The following B4GALNT3 variants were observed in gnomAD, a reference collection of about 807,000 sequenced individuals.
B4GALNT3 encodes beta-1,4-N-acetyl-galactosaminyltransferase 3.
In B4GALNT3, 86 loss-of-function variants were observed where a neutral mutation model predicts 120.2. That is an observed-to-expected ratio of 0.72 (90% CI 0.60 to 0.86). The LOEUF (loss-of-function observed/expected upper bound fraction) is 0.86, where lower values mean the gene tolerates loss of function less well. Ranked by LOEUF, B4GALNT3 falls within the 40% of genes least tolerant of loss-of-function variation. The probability of loss-of-function intolerance (pLI) is 0.00; values close to 1 mark genes in which losing one functional copy is unlikely to be tolerated. For missense variants in B4GALNT3, 1,167 were observed against 1,298.9 expected (o/e 0.90, Z 1.56); for synonymous variants, 518 against 510.4 (o/e 1.01, Z -0.20).
At chr12:496,694 C>T (rs1038739954) in intron 1 of B4GALNT3, among the ~76,000 whole-genome samples, 2 of 152,158 alleles carry the variant, frequency 1.3e-5, no homozygotes, top group African/African-American at 4.8e-5. Flanking sequence ...CAAATATTTC[C>T]GTCACCCCTA....
In B4GALNT3 at chr12:492,515, G is replaced by A. The variant is rs765611835; in HGVS notation, c.169+31970G>A. Among the ~76,000 whole-genome samples the A allele has an allele frequency of 5.3e-5, 8 of 152,142 alleles. No homozygotes were observed. The East Asian group carries it at 5.8e-4, about 11-fold the overall frequency. ...TCTATGTTCATGAACAGGAAGAATCGATATTGTCAAAACATTTGTTCTTCC... is the reference window on the plus strand; with the variant it reads ...TCTATGTTCATGAACAGGAAGAATCAATATTGTCAAAACATTTGTTCTTCC... On this transcript the variant is annotated intron_variant, in intron 1 of 19. Transcript: ENST00000266383.
At chr12:552,674 T>A in intron 13 of B4GALNT3, 146 bp downstream of exon 13, 1 of 692,370 alleles carries the variant, frequency 1.4e-6, no homozygotes, top group Non-Finnish European at 2.4e-6. Flanking sequence ...CCCAAGGGAG[T>A]GGAGAGCATG....
chr12:557,941 C>T (rs1340194084), intron 16 of B4GALNT3, 75 bp from the exon 17 acceptor site: 1 of 1,548,004 alleles, frequency 6.5e-7, no homozygotes, highest in Non-Finnish European at 8.9e-7. Flanking sequence ...CATCTCTCTT[C>T]TATGCCTGCC....
chr12:492,613 G>A (rs908140026), intron 1 of B4GALNT3, among the ~76,000 whole-genome samples: 1 of 152,154 alleles, frequency 6.6e-6, no homozygotes, highest in Non-Finnish European at 1.5e-5. Flanking sequence ...TTGGCAAACT[G>A]ATTCTAAAAT....
At chr12:511,396 TCTTCCACCTTC>T (rs1482162122) in intron 1 of B4GALNT3, among the ~76,000 whole-genome samples, 3 of 52,342 alleles carry the variant, frequency 5.7e-5, no homozygotes, top group African/African-American at 2.0e-4. Flanking sequence ...CCACCTTCTG[TCTTCCACCTTC>T]CTTCCACCTT....
At chr12:496,504 G>A (rs1348419257) in intron 1 of B4GALNT3, among the ~76,000 whole-genome samples, 1 of 152,072 alleles carries the variant, frequency 6.6e-6, no homozygotes, top group African/African-American at 2.4e-5. Context: ...GCAGGCTGAG[G>A]CAGGAGAATT....
At chr12:556,273 G>T (rs1947155310) in intron 14 of B4GALNT3, among the ~76,000 whole-genome samples, 1 of 152,190 alleles carries the variant, frequency 6.6e-6, no homozygotes, top group Non-Finnish European at 1.5e-5. Context: ...AACCTCTTCA[G>T]TGTGACCCCT....
At chr12:472,485 T>C (rs1266656058) in intron 1 of B4GALNT3, among the ~76,000 whole-genome samples, 2 of 152,198 alleles carry the variant, frequency 1.3e-5, no homozygotes, top group Non-Finnish European at 2.9e-5. Flanking sequence ...GTCTCGCTCT[T>C]TCGCCCAGGC....
At chr12:502,779 G>T (rs1426887177) in intron 1 of B4GALNT3, among the ~76,000 whole-genome samples, 1 of 152,032 alleles carries the variant, frequency 6.6e-6, no homozygotes, top group Non-Finnish European at 1.5e-5. Context: ...TTTTGAGAGG[G>T]TGTCTTGCTC....
chr12:549,033 A>G (rs1430976927), intron 9 of B4GALNT3, among the ~76,000 whole-genome samples: 1 of 152,224 alleles, frequency 6.6e-6, no homozygotes, highest in Non-Finnish European at 1.5e-5. Context: ...CCTTCAGTGC[A>G]CAGGAAGCGA....
At chr12:484,945 G>A (rs569433858) in intron 1 of B4GALNT3, among the ~76,000 whole-genome samples, 1 of 152,146 alleles carries the variant, frequency 6.6e-6, no homozygotes, top group African/African-American at 2.4e-5. Flanking sequence ...TGGGCTTCAG[G>A]AGATACAAGG....
At chr12:518,547 C>T (rs552524189) in intron 1 of B4GALNT3, among the ~76,000 whole-genome samples, 4 of 152,108 alleles carry the variant, frequency 2.6e-5, no homozygotes, top group East Asian at 1.9e-4. Context: ...GGACCACAGG[C>T]GTGTGCCACC....
At chr12:554,093 G>T (rs572871304) in intron 14 of B4GALNT3, 110 bp downstream of exon 14, 12 of 747,778 alleles carry the variant, frequency 1.6e-5, no homozygotes, top group Non-Finnish European at 2.6e-5. Context: ...CGCGGAAATA[G>T]CTGGAACTTT....
chr12:546,582 C>A (rs1282820589), intron 6 of B4GALNT3, 64 bp from the exon 7 acceptor site: 1 of 1,442,434 alleles, frequency 6.9e-7, no homozygotes, highest in Non-Finnish European at 9.5e-7. Context: ...GTCTCGCACT[C>A]ACCGCCTCGC....
At chr12:492,897 C>CAAA (rs368327845) in intron 1 of B4GALNT3, among the ~76,000 whole-genome samples, 1 of 122,102 alleles carries the variant, frequency 8.2e-6, no homozygotes, top group Non-Finnish European at 1.7e-5. Context: ...TGCACATATG[C>CAAA]AAAAAAAAAA....
chr12:512,847 GCCTTCCACCTT>G (rs1946606477), intron 1 of B4GALNT3, among the ~76,000 whole-genome samples: 2 of 66,774 alleles, frequency 3.0e-5, no homozygotes, highest in Admixed American at 3.5e-4. Flanking sequence ...TCCACCTTCC[GCCTTCCACCTT>G]CCTTCCACCT....
At chr12:533,921 G>A (rs914202222) in intron 1 of B4GALNT3, among the ~76,000 whole-genome samples, 3 of 152,292 alleles carry the variant, frequency 2.0e-5, no homozygotes, top group South Asian at 4.1e-4. Flanking sequence ...GCCCATATTC[G>A]TGGGTGGTGC....
chr12:499,642 C>T (rs907773593), intron 1 of B4GALNT3, among the ~76,000 whole-genome samples: 258 of 138,746 alleles, frequency 1.9e-3, no homozygotes, highest in Non-Finnish European at 2.7e-3. Flanking sequence ...ACTCCTAGCC[C>T]GTGGAGCCCG....
chr12:561,010 C>T (rs1947224570), intron 19 of B4GALNT3, among the ~76,000 whole-genome samples: 1 of 152,246 alleles, frequency 6.6e-6, no homozygotes, highest in Non-Finnish European at 1.5e-5. Flanking sequence ...AGCATCCATC[C>T]TTCTCGTCTT....
Sources: allele counts gnomAD v4.1 joint callset (sites outside exome capture counted in the v4.1 genomes callset), GRCh38; gene constraint gnomAD v4.1.1; transcripts MANE v1.5; gene names NCBI Gene and HGNC (gene_info 2026-07-23, HGNC 2026-07-21).